Variants in COL21A1 observed in about 807,000 individuals in gnomAD.
COL21A1 encodes the protein collagen alpha-1(XXI) chain.
A neutral mutation model predicts 137.9 loss-of-function variants in COL21A1; 149 were observed. The ratio of observed to expected loss-of-function variants is 1.08; its 90% confidence interval spans 0.95 to 1.24. The LOEUF is 1.24. Ranked by LOEUF, COL21A1 falls within the 50% of genes most tolerant of loss-of-function variation. The probability of loss-of-function intolerance (pLI) is 0.00; values close to 1 mark genes in which losing one functional copy is unlikely to be tolerated. For missense variants in COL21A1, 1,167 were observed against 1,158.4 expected (o/e 1.01, Z -0.11); for synonymous variants, 456 against 391.5 (o/e 1.16, Z -1.95).
At chr6:56,276,260 T>C (rs560016770) in intron 1 of COL21A1, among the ~76,000 whole-genome samples, 3 of 152,260 alleles carry the variant, frequency 2.0e-5, no homozygotes, top group Admixed American at 6.5e-5. Context: ...AACTGTCTAT[T>C]GGGTACTATA....
At chr6:56,300,085 TAAAGA>T (rs1188396522) in intron 1 of COL21A1, among the ~76,000 whole-genome samples, 2 of 151,978 alleles carry the variant, frequency 1.3e-5, no homozygotes, top group African/African-American at 4.8e-5. Context: ...CCACATAAGG[TAAAGA>T]AAAGACAATA....
At chr6:56,183,912 T>A (rs905412157) in intron 1 of COL21A1, among the ~76,000 whole-genome samples, 2 of 152,048 alleles carry the variant, frequency 1.3e-5, no homozygotes, top group Non-Finnish European at 2.9e-5. Flanking sequence ...AGAAAATGGT[T>A]TATGCAACGG....
rs983484086 is a variant in COL21A1 at position 56,061,644 on chromosome 6, C to T, written c.2205+5G>A. The stretch of plus-strand genomic sequence containing the variant: ...CAAGAGAGCATAATATATGAAGAAA[C>T]ATACCTCTCCTTTTGCACCATGATG... On this transcript the variant is annotated splice_donor_5th_base_variant and intron_variant, in intron 25 of 29. Coordinates refer to ENST00000244728, the MANE Select transcript of COL21A1 (RefSeq NM_030820.4). 6.3e-7 allele frequency: 1 copy of T among 1,583,534 alleles called. No individual in the cohort carries two copies. The highest frequency in any genetic ancestry group is 2.3e-5 in the East Asian group (1 of 44,040).
intron 1 of COL21A1, among the ~76,000 whole-genome samples, chr6:56,388,283 G>A (rs1322219451): frequency 2.0e-5 from 3 of 152,140 alleles, no homozygotes; most frequent in African/African-American, 4.8e-5. Context: ...TAGTTGCTAC[G>A]GGCCTTGGGT....
intron 29 of COL21A1, among the ~76,000 whole-genome samples, chr6:56,058,875 A>C (rs1348089954): frequency 6.6e-6 from 1 of 152,164 alleles, no homozygotes; most frequent in Non-Finnish European, 1.5e-5. Flanking sequence ...ATAAAGACTA[A>C]ACAGTGTTAT....
At chr6:56,248,705 C>T (rs1045566550), upstream of COL21A1, among the ~76,000 whole-genome samples, 6 of 152,204 alleles carry the variant, frequency 3.9e-5, no homozygotes, top group Admixed American at 1.3e-4. Flanking sequence ...GAAATGCCTT[C>T]TTCAATAACT....
At chr6:56,101,553 G>A (rs1448081321) in intron 16 of COL21A1, 28 bp from the exon 17 acceptor site, 14 of 1,546,218 alleles carry the variant, frequency 9.1e-6, no homozygotes, top group Non-Finnish European at 1.1e-5. Flanking sequence ...AAAAGAAATA[G>A]AGAATTCAGT....
chr6:56,130,965 G>T (rs1331667724), intron 12 of COL21A1, among the ~76,000 whole-genome samples: 2 of 152,278 alleles, frequency 1.3e-5, no homozygotes, highest in Non-Finnish European at 2.9e-5. Flanking sequence ...GGATGGGCAT[G>T]TAACATAAAA....
chr6:56,061,470 C>T (rs186382400), intron 25 of COL21A1, among the ~76,000 whole-genome samples, 179 bp downstream of exon 25: 30 of 152,222 alleles, frequency 2.0e-4, no homozygotes, highest in Non-Finnish European at 2.9e-4. Flanking sequence ...CATTTCATAT[C>T]AAATTCAGTA....
intron 3 of COL21A1, among the ~76,000 whole-genome samples, chr6:56,172,309 C>T (rs9475583): frequency 0.57 from 86,741 of 151,964 alleles, 25,049 homozygotes; most frequent in East Asian, 0.79. Flanking sequence ...TACAAGGGAA[C>T]CTTGATAAGA....
chr6:56,283,874 ACTCTCTCT>A (rs66937943), intron 1 of COL21A1, among the ~76,000 whole-genome samples: 9 of 146,184 alleles, frequency 6.2e-5, no homozygotes, highest in Admixed American at 1.4e-4. Flanking sequence ...TCACACACAC[ACTCTCTCT>A]CTCTCTCTCT....
At chr6:56,102,260 G>C (rs1770526421) in intron 16 of COL21A1, among the ~76,000 whole-genome samples, 1 of 152,086 alleles carries the variant, frequency 6.6e-6, no homozygotes, top group South Asian at 2.1e-4. Context: ...CTGCAGATTA[G>C]TACAACTATT....
chr6:56,098,034 AAT>A (rs1769686043), intron 17 of COL21A1, among the ~76,000 whole-genome samples: 1 of 30,012 alleles, frequency 3.3e-5, no homozygotes, highest in African/African-American at 1.4e-4. Context: ...TATATATGTA[AAT>A]ATATAAATAT....
At chr6:56,318,135 T>G (rs924786851) in intron 1 of COL21A1, among the ~76,000 whole-genome samples, 1 of 152,152 alleles carries the variant, frequency 6.6e-6, no homozygotes, top group African/African-American at 2.4e-5. Flanking sequence ...AAGACAGATT[T>G]TAATTATTTT....
chr6:56,184,071 T>A (rs955309450), intron 1 of COL21A1, among the ~76,000 whole-genome samples: 1 of 152,148 alleles, frequency 6.6e-6, no homozygotes, highest in Non-Finnish European at 1.5e-5. Flanking sequence ...GATCTTGATT[T>A]AGCATATAAG....
intron 1 of COL21A1, among the ~76,000 whole-genome samples, chr6:56,275,341 C>T (rs1162952928): frequency 1.3e-5 from 2 of 152,062 alleles, no homozygotes; most frequent in Non-Finnish European, 2.9e-5. Context: ...GCAATTGTAA[C>T]ACAAACAAAA....
chr6:56,188,185 G>A lies in COL21A1; in HGVS notation c.-38-5529C>T, dbSNP rs546613841. ...AGAAATTGGAATTCATTCATTGTTG[G>A]TGAGATTGAAAACAGATGTAATCAC... is the stretch of plus-strand genomic sequence containing the variant. On this transcript the variant is annotated intron_variant, in intron 1 of 29. Transcript: ENST00000244728. 1.6e-4 allele frequency among the ~76,000 whole-genome samples: 25 copies of A among 152,256 alleles called. No individual in the cohort carries two copies. In the East Asian group the frequency reaches 3.7e-3, roughly 22 times the overall value.
chr6:56,080,728 G>A (rs938845271), intron 17 of COL21A1, among the ~76,000 whole-genome samples: 2 of 151,638 alleles, frequency 1.3e-5, no homozygotes, highest in Non-Finnish European at 2.9e-5. Flanking sequence ...CTACACAATG[G>A]TAGAGATATT....
rs141362841 is a variant in COL21A1, at chr6:56,111,569, C to T, written c.1759-10044G>A. On this transcript the variant is annotated intron_variant, in intron 16 of 29. Transcript: ENST00000244728. ...TTTTCTGCAATCTACAATTATTCCA[C>T]ACTAAAAACTTTGGCCAGGCATGGT... is the stretch of plus-strand genomic sequence containing the variant. 1.1e-4 allele frequency among the ~76,000 whole-genome samples: 17 copies of T among 152,090 alleles called. No individual in the cohort carries two copies. The East Asian group carries it at 3.3e-3, about 29-fold the overall frequency.
Sources: allele counts gnomAD v4.1 joint callset (sites outside exome capture counted in the v4.1 genomes callset), GRCh38; gene constraint gnomAD v4.1.1; transcripts MANE v1.5; gene names NCBI Gene and HGNC (gene_info 2026-07-23, HGNC 2026-07-21).